Variants in ACOXL observed in about 807,000 individuals in gnomAD.
ACOXL encodes the protein acyl-coenzyme A oxidase-like protein.
Under a neutral mutation model 71.9 loss-of-function variants are expected in ACOXL, and 70 were observed. The observed-to-expected ratio is 0.97, with a 90% CI of 0.80 to 1.19. ACOXL has a LOEUF of 1.19. Among genes scored for constraint, ACOXL ranks in the 50% most tolerant of loss-of-function variants. The pLI is 0.00. For synonymous variants in ACOXL, 253 were observed against 281.6 expected (o/e 0.90, Z 1.02); for missense variants, 703 against 736.3 (o/e 0.95, Z 0.52).
intron 12 of ACOXL, among the ~76,000 whole-genome samples, chr2:110,973,022 A>G (rs1420734380): frequency 6.6e-6 from 1 of 152,242 alleles, no homozygotes; most frequent in African/African-American, 2.4e-5. Context: ...GAATCTTCCC[A>G]AACCCAAGTT....
At position 110,996,024 on chromosome 2, in the gene ACOXL, T is replaced by A. The variant is rs376993583; in HGVS notation, c.1281+20T>A. On this transcript the variant is annotated intron_variant, in intron 14 of 17. Coordinates refer to ENST00000439055, the MANE Select transcript of ACOXL (RefSeq NM_001142807.4). ...TATAAGGTAAAGATACACTGTGTTA[T>A]ATTTTTCCTTTTGACATGTGTTTAA... 6.3e-7 allele frequency: 1 copy of A among 1,586,900 alleles called. No individual in the cohort carries two copies. Among genetic ancestry groups the A allele is most frequent in the South Asian group, 1.1e-5 (1 of 90,582 alleles).
intron 14 of ACOXL, among the ~76,000 whole-genome samples, chr2:111,029,344 G>A (rs1484813030): frequency 6.6e-6 from 1 of 152,090 alleles, no homozygotes; most frequent in African/African-American, 2.4e-5. Flanking sequence ...TTAAAATCTT[G>A]TGCATTGCAT....
intron 10 of ACOXL, among the ~76,000 whole-genome samples, chr2:110,881,612 A>G (rs942622157): frequency 2.6e-5 from 4 of 152,180 alleles, no homozygotes; most frequent in Admixed American, 6.5e-5. Flanking sequence ...ATGTCTCTCC[A>G]TAATCTCTCT....
At chr2:110,928,924 A>G (rs1368891718) in intron 11 of ACOXL, among the ~76,000 whole-genome samples, 2 of 152,220 alleles carry the variant, frequency 1.3e-5, no homozygotes, top group African/African-American at 4.8e-5. Context: ...ACCTTCTGCC[A>G]TGATTTTGAG....
chr2:110,832,780 A>G (rs1011753175), intron 9 of ACOXL, among the ~76,000 whole-genome samples: 3 of 152,244 alleles, frequency 2.0e-5, no homozygotes, highest in Non-Finnish European at 4.4e-5. Context: ...ATTAAGAGCT[A>G]TTTATCTGAA....
chr2:110,940,651 T>G (rs544074044), intron 12 of ACOXL, among the ~76,000 whole-genome samples: 3 of 152,200 alleles, frequency 2.0e-5, no homozygotes, highest in Non-Finnish European at 4.4e-5. Context: ...GCTCTTGAAC[T>G]CCTCTGTGGA....
chr2:111,089,759 T>C (rs2150009986), intron 16 of ACOXL, among the ~76,000 whole-genome samples: 1 of 152,358 alleles, frequency 6.6e-6, no homozygotes, highest in Admixed American at 6.5e-5. Flanking sequence ...TTCAAAAATA[T>C]TATATACTAA....
intron 10 of ACOXL, among the ~76,000 whole-genome samples, chr2:110,858,350 C>G (rs570934652): frequency 1.3e-5 from 2 of 152,080 alleles, no homozygotes; most frequent in Admixed American, 1.3e-4. Flanking sequence ...CTTCCTACTC[C>G]CCGAGACAGA....
At chr2:110,776,670 G>A (rs1322718629) in intron 2 of ACOXL, among the ~76,000 whole-genome samples, 1 of 152,068 alleles carries the variant, frequency 6.6e-6, no homozygotes, top group Non-Finnish European at 1.5e-5. Context: ...CAGAGTGAGA[G>A]AGGAGGAGAG....
At chr2:110,872,677 A>AGGGCGTGGCCGGCC (rs1226629145) in intron 10 of ACOXL, among the ~76,000 whole-genome samples, 3 of 152,266 alleles carry the variant, frequency 2.0e-5, no homozygotes, top group Non-Finnish European at 2.9e-5. Context: ...AGGAGGCTGC[A>AGGGCGTGGCCGGCC]GGGCGTGGCC....
At chr2:110,799,868 T>C (rs1685743998) in intron 7 of ACOXL, among the ~76,000 whole-genome samples, 3 of 152,030 alleles carry the variant, frequency 2.0e-5, no homozygotes, top group Admixed American at 2.0e-4. Flanking sequence ...AATGCACCAA[T>C]CAGTGCTCTG....
At chr2:111,088,692 G>A (rs1183386663) in intron 16 of ACOXL, among the ~76,000 whole-genome samples, 1 of 152,048 alleles carries the variant, frequency 6.6e-6, no homozygotes, top group Non-Finnish European at 1.5e-5. Context: ...ACTAGGCTTG[G>A]TACATGGGTG....
intron 17 of ACOXL, chr2:111,094,206 A>G (rs533277383): frequency 1.3e-5 from 2 of 152,208 alleles, no homozygotes; most frequent in Non-Finnish European, 2.9e-5. Context: ...ACTACAGTGG[A>G]CCCTGGAGAA....
At chr2:110,765,179 C>T (rs1680893316) in intron 1 of ACOXL, among the ~76,000 whole-genome samples, 1 of 152,140 alleles carries the variant, frequency 6.6e-6, no homozygotes, top group East Asian at 1.9e-4. Context: ...ATAAGTAACC[C>T]ATCATTTCTC....
intron 13 of ACOXL, 120 bp from the exon 14 acceptor site, chr2:110,995,773 A>AT (rs1220354270): frequency 5.9e-6 from 4 of 678,220 alleles, no homozygotes; most frequent in Non-Finnish European, 1.0e-5. Context: ...GATTATGTCT[A>AT]TTGACACTAT....
intron 12 of ACOXL, among the ~76,000 whole-genome samples, chr2:110,957,251 A>G (rs1481050958): frequency 1.3e-5 from 2 of 151,908 alleles, no homozygotes; most frequent in Admixed American, 6.6e-5. Context: ...GAACAATTTC[A>G]TATTGTAATG....
chr2:110,812,815 C>G (rs1436226364), intron 9 of ACOXL, among the ~76,000 whole-genome samples: 3 of 152,214 alleles, frequency 2.0e-5, no homozygotes, highest in Non-Finnish European at 2.9e-5. Flanking sequence ...CACTGTGAAT[C>G]GTGCTAGGAG....
At chr2:111,112,466 T>C (rs2070051783) in intron 17 of ACOXL, among the ~76,000 whole-genome samples, 1 of 152,212 alleles carries the variant, frequency 6.6e-6, no homozygotes, top group African/African-American at 2.4e-5. Flanking sequence ...ATTGACTGCT[T>C]AGTCAGGCAT....
chr2:110,929,029 G>A lies in ACOXL; in HGVS notation c.906-4460G>A, dbSNP rs371277851. On this transcript the variant is annotated intron_variant, in intron 11 of 17. Transcript: ENST00000439055. The stretch of plus-strand genomic sequence containing the variant: ...TATGTCTTTATCAGCGGCATGAAAC[G>A]GACTAATAGAGTAAATTGGTCCCAG... Among the ~76,000 whole-genome samples the A allele has an allele frequency of 1.0e-3, 157 of 152,270 alleles. 1 individual carries two copies. Among genetic ancestry groups the A allele is most frequent in the Middle Eastern group, 0.01 (3 of 294 alleles).
Sources: gnomAD v4.1 joint callset for allele counts (sites outside exome capture counted in the v4.1 genomes callset) on GRCh38, gnomAD v4.1.1 for gene constraint, MANE v1.5 for transcripts, NCBI Gene and HGNC (gene_info 2026-07-23, HGNC 2026-07-21) for gene names.